MIAT: variants seen among roughly 807,000 people sequenced by gnomAD.
The protein encoded by MIAT is MI related novel mRNA.
At chr22:26,647,697 A>C (rs1400538868) in intron 2 of MIAT, among the ~76,000 whole-genome samples, 1 of 152,114 alleles carries the variant, frequency 6.6e-6, no homozygotes, top group Non-Finnish European at 1.5e-5. Flanking sequence ...GGCTGCGAGC[A>C]GGGGAGTGAT....
intron 3 of MIAT, chr22:26,663,442 C>A (rs1306426621): frequency 7.5e-6 from 3 of 398,422 alleles, no homozygotes; most frequent in Non-Finnish European, 1.3e-5. Flanking sequence ...ATGGTAGAGA[C>A]CAGCTTAATG....
exon 6 of MIAT, chr22:26,668,650 G>A (rs1446520740): frequency 7.5e-6 from 3 of 399,176 alleles, no homozygotes; most frequent in Non-Finnish European, 1.3e-5. Context: ...TCGGGGAGGG[G>A]CTGTCAGGCA....
At chr22:26,668,470 T>C (rs1005328549) in exon 6 of MIAT, 2 of 398,796 alleles carry the variant, frequency 5.0e-6, no homozygotes, top group Non-Finnish European at 8.8e-6. Flanking sequence ...CTGGGCCCTA[T>C]TGTCTGGGTC....
At chr22:26,675,316 A>G (rs1428005151) in exon 5 of MIAT, 1 of 398,732 alleles carries the variant, frequency 2.5e-6, no homozygotes, top group East Asian at 3.6e-5. Context: ...ATGTAGCAAG[A>G]GATAGGAGAC....
rs555924797 is a variant in MIAT, at chr22:26,646,799, T to C, written n.348T>C. The C allele has an allele frequency of 3.3e-5, 13 of 398,686 alleles. No individual in the cohort carries two copies. In the Admixed American group the frequency reaches 4.8e-4, roughly 15 times the overall value. 24.7% of individuals were successfully genotyped at this position (398,686 alleles called of 1,614,324 possible). ...CTTTCCCCAAGAGCTTTGTGTTGTT[T>C]GTACTATGAGGAATAATGAGGGTGG... On this transcript the variant is annotated non_coding_transcript_exon_variant, in exon 1 of 6. Transcript: ENST00000643270.
downstream of MIAT, chr22:26,670,815 GT>G (rs1931019115): frequency 2.5e-6 from 1 of 398,560 alleles, no homozygotes; most frequent in East Asian, 3.6e-5. Context: ...CTAGGCTGGG[GT>G]TTCTATGGGA....
chr22:26,651,662 T>G (rs1454274354), intron 2 of MIAT, among the ~76,000 whole-genome samples: 1 of 152,268 alleles, frequency 6.6e-6, no homozygotes, highest in African/African-American at 2.4e-5. Flanking sequence ...AGTGGATGAA[T>G]GGATGAATAA....
intron 2 of MIAT, among the ~76,000 whole-genome samples, chr22:26,654,228 C>T (rs1930385182): frequency 6.6e-6 from 1 of 152,128 alleles, no homozygotes; most frequent in Non-Finnish European, 1.5e-5. Flanking sequence ...GCAGCCAAAC[C>T]TAAGTTTGAT....
At chr22:26,648,653 A>AT (rs978078523) in intron 2 of MIAT, among the ~76,000 whole-genome samples, 1 of 151,786 alleles carries the variant, frequency 6.6e-6, no homozygotes, top group Non-Finnish European at 1.5e-5. Flanking sequence ...AGACCTGATA[A>AT]TTTTTTTTAA....
At chr22:26,671,632 T>TA, downstream of MIAT, 1 of 398,682 alleles carries the variant, frequency 2.5e-6, no homozygotes, top group African/African-American at 2.1e-5. Flanking sequence ...GCTGGGATCT[T>TA]TGTGCAGACC....
intron 2 of MIAT, chr22:26,663,269 G>A (rs75777494): frequency 2.5e-6 from 1 of 398,540 alleles, no homozygotes. Context: ...GTACCCATGG[G>A]TATGTATTTA....
downstream of MIAT, chr22:26,673,287 C>T (rs982994446): frequency 2.5e-6 from 1 of 398,822 alleles, no homozygotes; most frequent in East Asian, 3.6e-5. Context: ...GGGGCCACAC[C>T]TGGGGGTGAT....
At chr22:26,663,394 C>T (rs986960065) in exon 3 of MIAT, 6 of 398,524 alleles carry the variant, frequency 1.5e-5, no homozygotes, top group Admixed American at 8.8e-5. Flanking sequence ...ACAGGGGTAA[C>T]CAAGGTGATC....
chr22:26,661,439 C>T (rs994940847), intron 2 of MIAT, among the ~76,000 whole-genome samples: 3 of 152,178 alleles, frequency 2.0e-5, no homozygotes, highest in East Asian at 1.9e-4. Context: ...GGAAGGGAGG[C>T]GGGTGCTGAG....
intron 2 of MIAT, among the ~76,000 whole-genome samples, chr22:26,661,129 C>T (rs774177687): frequency 1.3e-5 from 2 of 152,150 alleles, no homozygotes; most frequent in East Asian, 1.9e-4. Flanking sequence ...TTAGCCTGTT[C>T]GAGCAGCGTG....
At chr22:26,675,037 C>T (rs1028519194) in exon 5 of MIAT, 30 of 398,514 alleles carry the variant, frequency 7.5e-5, no homozygotes, top group Admixed American at 1.3e-4. Flanking sequence ...CTGTGCCAGG[C>T]GTGTGCCAGG....
exon 6 of MIAT, chr22:26,669,075 T>C: frequency 1.0e-5 from 4 of 398,720 alleles, no homozygotes; most frequent in South Asian, 1.3e-4. Context: ...CTAGTTGCAC[T>C]GCTCCTGGAT....
intron 2 of MIAT, chr22:26,658,154 C>CG (rs1814903052): frequency 6.9e-6 from 1 of 145,370 alleles, no homozygotes; most frequent in Admixed American, 6.8e-5. Context: ...GACCCAACCC[C>CG]CCGAGCCTGC....
chr22:26,665,347 C>T, intron 3 of MIAT: 1 of 397,748 alleles, frequency 2.5e-6, no homozygotes, highest in Non-Finnish European at 4.4e-6. Context: ...CCACAGTTTC[C>T]TCCAGGTTTC....
Sources: gnomAD v4.1 joint callset for allele counts (sites outside exome capture counted in the v4.1 genomes callset) on GRCh38, gnomAD v4.1.1 for gene constraint, MANE v1.5 for transcripts, NCBI Gene and HGNC (gene_info 2026-07-23, HGNC 2026-07-21) for gene names.